Variants in CSMD1 observed in about 807,000 individuals in gnomAD.
CSMD1 encodes the protein CUB and sushi domain-containing protein 1.
In CSMD1, 213 loss-of-function variants were observed where a neutral mutation model predicts 417.5. The ratio of observed to expected loss-of-function variants is 0.51; its 90% CI spans 0.46 to 0.57. The LOEUF is 0.57. Among genes scored for constraint, CSMD1 ranks in the 20% least tolerant of loss-of-function variants. The pLI is 0.00. For missense variants in CSMD1, 6,923 were observed against 4,529.7 expected (o/e 1.53, Z -15.17); for synonymous variants, 2,862 against 1,736.8 (o/e 1.65, Z -16.11).
intron 6 of CSMD1, among the ~76,000 whole-genome samples, chr8:3,718,408 T>C (rs1463311417): frequency 6.6e-6 from 1 of 152,216 alleles, no homozygotes; most frequent in African/African-American, 2.4e-5. Context: ...AATCAGTCAG[T>C]GTCCTTTCCT....
chr8:4,496,507 A>G (rs1231609868), intron 2 of CSMD1, among the ~76,000 whole-genome samples: 1 of 152,210 alleles, frequency 6.6e-6, no homozygotes, highest in Admixed American at 6.5e-5. Context: ...AAGTCGGGTA[A>G]TATACCAGGG....
intron 5 of CSMD1, among the ~76,000 whole-genome samples, chr8:3,791,038 G>T (rs1156605201): frequency 6.6e-6 from 1 of 152,148 alleles, no homozygotes. Context: ...CTAAAACCAT[G>T]ATCATTTTTA....
At chr8:3,457,823 C>G (rs992371693) in intron 12 of CSMD1, among the ~76,000 whole-genome samples, 3 of 152,096 alleles carry the variant, frequency 2.0e-5, no homozygotes, top group Admixed American at 6.5e-5. Flanking sequence ...CTTGTTGTAT[C>G]CGATGCAGGG....
At chr8:4,746,322 G>A (rs1317592641) in intron 1 of CSMD1, among the ~76,000 whole-genome samples, 5 of 152,126 alleles carry the variant, frequency 3.3e-5, no homozygotes, top group African/African-American at 9.7e-5. Context: ...TCAGAATAGC[G>A]ACTGTAGGCA....
At position 3,343,259 on chromosome 8, in the gene CSMD1, G is replaced by C. The variant is rs1471003675; in HGVS notation, c.3631+35C>G. ...AGTATCAGATATGTCCTGACAAAATGAAAAAAGAACGTGATTAAGTCGTAT... is the reference window on the plus strand; with the variant it reads ...AGTATCAGATATGTCCTGACAAAATCAAAAAAGAACGTGATTAAGTCGTAT... On this transcript the variant is annotated intron_variant, in intron 23 of 69. Coordinates refer to ENST00000635120, the MANE Select transcript of CSMD1 (RefSeq NM_033225.6). The C allele has an allele frequency of 1.9e-6, 3 of 1,588,850 alleles. No homozygotes were observed. The African/African-American group carries it at 4.0e-5, about 21-fold the overall frequency.
At chr8:3,162,337 G>GA in intron 37 of CSMD1, 60 bp from the exon 38 acceptor site, 1 of 1,112,788 alleles carries the variant, frequency 9.0e-7, no homozygotes. Context: ...CTTATCATTT[G>GA]AATAACCAAA....
At chr8:4,430,187 G>A (rs770911205) in intron 2 of CSMD1, among the ~76,000 whole-genome samples, 1 of 152,172 alleles carries the variant, frequency 6.6e-6, no homozygotes, top group South Asian at 2.1e-4. Flanking sequence ...TCCTAAGCAA[G>A]GTGCCCCTTT....
At chr8:4,431,660 A>G (rs1314823078) in intron 2 of CSMD1, among the ~76,000 whole-genome samples, 1 of 152,214 alleles carries the variant, frequency 6.6e-6, no homozygotes, top group Non-Finnish European at 1.5e-5. Context: ...ACTGGAAAGG[A>G]AGAAAAGATA....
At chr8:4,598,354 T>C (rs1264089180) in intron 2 of CSMD1, among the ~76,000 whole-genome samples, 1 of 152,130 alleles carries the variant, frequency 6.6e-6, no homozygotes, top group East Asian at 1.9e-4. Flanking sequence ...GTGTTGGAGG[T>C]TAGGGGCTGG....
chr8:4,041,879 G>C (rs1048705946), intron 3 of CSMD1, among the ~76,000 whole-genome samples: 1 of 152,078 alleles, frequency 6.6e-6, no homozygotes, highest in Non-Finnish European at 1.5e-5. Context: ...AAAATCAATG[G>C]ATGTTATAAG....
At chr8:4,654,057 C>T (rs190391842) in intron 1 of CSMD1, among the ~76,000 whole-genome samples, 1 of 152,212 alleles carries the variant, frequency 6.6e-6, no homozygotes, top group Admixed American at 6.5e-5. Context: ...AATAACTTCT[C>T]AAAGCCCCAT....
chr8:3,047,693 T>A (rs949148041), intron 50 of CSMD1, among the ~76,000 whole-genome samples: 3 of 152,238 alleles, frequency 2.0e-5, no homozygotes, highest in African/African-American at 7.2e-5. Context: ...TGTGTTTCTT[T>A]TCCTCATAAT....
intron 3 of CSMD1, among the ~76,000 whole-genome samples, chr8:4,102,091 G>C (rs1285271883): frequency 6.6e-6 from 1 of 152,114 alleles, no homozygotes; most frequent in South Asian, 2.1e-4. Context: ...ACTAATTTCT[G>C]AAGTAATGCT....
At chr8:3,048,847 C>A (rs1811630007) in intron 50 of CSMD1, among the ~76,000 whole-genome samples, 1 of 149,752 alleles carries the variant, frequency 6.7e-6, no homozygotes. Flanking sequence ...GGATAAAGAA[C>A]TGGTATCTAA....
At chr8:4,614,790 A>G (rs1801383151) in intron 2 of CSMD1, among the ~76,000 whole-genome samples, 1 of 152,338 alleles carries the variant, frequency 6.6e-6, no homozygotes, top group East Asian at 1.9e-4. Flanking sequence ...TGTCTGTAGA[A>G]TTTAAAATGC....
intron 3 of CSMD1, among the ~76,000 whole-genome samples, chr8:4,388,107 GTCTCT>G (rs1464359193): frequency 3.3e-5 from 5 of 152,166 alleles, no homozygotes; most frequent in African/African-American, 1.2e-4. Context: ...AGATACAGCT[GTCTCT>G]GCCCAGCTAA....
At chr8:4,090,286 A>T (rs188262138) in intron 3 of CSMD1, among the ~76,000 whole-genome samples, 4 of 152,202 alleles carry the variant, frequency 2.6e-5, no homozygotes, top group Admixed American at 2.6e-4. Flanking sequence ...CTAATTAAGG[A>T]AAGTTAAAGC....
At chr8:3,506,185 C>T (rs979393731) in intron 10 of CSMD1, among the ~76,000 whole-genome samples, 2 of 152,108 alleles carry the variant, frequency 1.3e-5, no homozygotes, top group Non-Finnish European at 2.9e-5. Context: ...ACTCTGAACA[C>T]CCCCAGCCCC....
chr8:4,390,304 T>C (rs1042712868), intron 3 of CSMD1, among the ~76,000 whole-genome samples: 1 of 152,082 alleles, frequency 6.6e-6, no homozygotes, highest in South Asian at 2.1e-4. Flanking sequence ...AGTTATCTCT[T>C]ATTGAAGTTA....
Sources: allele counts gnomAD v4.1 joint callset (sites outside exome capture counted in the v4.1 genomes callset), GRCh38; gene constraint gnomAD v4.1.1; transcripts MANE v1.5; gene names NCBI Gene and HGNC (gene_info 2026-07-23, HGNC 2026-07-21).